Variants in NUBPL observed in about 807,000 individuals in gnomAD.
NUBPL encodes the protein NUBP iron-sulfur cluster assembly factor, mitochondrial, also known as iron-sulfur cluster transfer protein NUBPL.
Under a neutral mutation model 45.7 loss-of-function variants are expected in NUBPL, and 31 were observed. The observed-to-expected ratio is 0.68, with a 90% CI of 0.51 to 0.92. The LOEUF (loss-of-function observed/expected upper bound fraction) is 0.92. Among genes scored for constraint, NUBPL ranks in the 40% least tolerant of loss-of-function variants. The probability of loss-of-function intolerance (pLI) is 0.00; values close to 1 mark genes in which losing one functional copy is unlikely to be tolerated. For missense variants in NUBPL, 401 were observed against 398.7 expected (o/e 1.01, Z -0.05); for synonymous variants, 144 against 140.9 (o/e 1.02, Z -0.15).
chr14:31,700,277 G>A (rs772313332), intron 6 of NUBPL, among the ~76,000 whole-genome samples: 122 of 152,200 alleles, frequency 8.0e-4, no homozygotes, highest in Non-Finnish European at 1.6e-3. Flanking sequence ...TCTTTTCTTA[G>A]TGGTTAATTG....
intron 4 of NUBPL, among the ~76,000 whole-genome samples, chr14:31,618,689 T>C (rs2139623736): frequency 6.6e-6 from 1 of 152,304 alleles, no homozygotes; most frequent in South Asian, 2.1e-4. Context: ...AGTGTTTTAC[T>C]TCAAATTATG....
chr14:31,660,481 C>T (rs753621452), intron 4 of NUBPL, among the ~76,000 whole-genome samples: 7 of 152,090 alleles, frequency 4.6e-5, no homozygotes, highest in Non-Finnish European at 1.0e-4. Context: ...GTACTGGATG[C>T]CCTTTCCTTT....
chr14:31,821,539 A>G (rs1449288493), intron 7 of NUBPL, among the ~76,000 whole-genome samples: 2 of 152,236 alleles, frequency 1.3e-5, no homozygotes, highest in Non-Finnish European at 2.9e-5. Context: ...GGCAATAACA[A>G]AGCTGACAAG....
Position 31,849,589 on chromosome 14 carries a change from A to G in NUBPL, c.815-530A>G, listed in dbSNP as rs2040506546. Among the ~76,000 whole-genome samples the G allele has an allele frequency of 1.3e-5, 2 of 152,242 alleles. 1 individual carries two copies. Among genetic ancestry groups the G allele is most frequent in the South Asian group, 4.1e-4 (2 of 4,834 alleles). ...GTGCTACATAGGTTAGTAAATAATA[A>G]GAGAAAAATAATTCTGTCTGATAAA... On this transcript the variant is annotated intron_variant, in intron 9 of 10. Transcript: ENST00000281081.
At chr14:31,758,886 C>G (rs1566546053) in intron 6 of NUBPL, among the ~76,000 whole-genome samples, 2 of 152,078 alleles carry the variant, frequency 1.3e-5, no homozygotes, top group Non-Finnish European at 1.5e-5. Flanking sequence ...TGCAAAAACT[C>G]GTGGGTTCCC....
At chr14:31,846,310 G>A (rs1431074571) in intron 8 of NUBPL, 161 bp from the exon 9 acceptor site, 1 of 655,568 alleles carries the variant, frequency 1.5e-6, no homozygotes, top group Admixed American at 2.3e-5. Context: ...TCTCTTACTA[G>A]CTCATGAGTT....
chr14:31,711,120 G>A (rs1332097282), intron 6 of NUBPL, among the ~76,000 whole-genome samples: 1 of 152,182 alleles, frequency 6.6e-6, no homozygotes, highest in Admixed American at 6.5e-5. Flanking sequence ...TCGCTTGGGC[G>A]ACATGCCTTT....
intron 6 of NUBPL, among the ~76,000 whole-genome samples, chr14:31,770,220 C>G (rs896730194): frequency 6.6e-6 from 1 of 152,180 alleles, no homozygotes; most frequent in Admixed American, 6.5e-5. Context: ...ACACGTAGAG[C>G]TGGCTAAATG....
intron 4 of NUBPL, among the ~76,000 whole-genome samples, chr14:31,667,025 G>C (rs4981877): frequency 0.3 from 46,196 of 151,816 alleles, 7,672 homozygotes; most frequent in East Asian, 0.4. Flanking sequence ...TGATGATTAT[G>C]TGTCTTGGGG....
chr14:31,673,367 G>C lies in NUBPL; in HGVS notation c.395G>C (p.Arg132Thr), dbSNP rs1244514500. 7 of 1,605,202 alleles carry C rather than the reference G, an allele frequency of 4.4e-6. No individual in the cohort carries two copies. Among genetic ancestry groups the C allele is most frequent in the Non-Finnish European group, 6.0e-6 (7 of 1,175,762 alleles). ...TTTTTTTTTCCAGGCAACCTAATGAGGCCTCTCTTGAATTATGGTATTGCT... is the reference window on the plus strand; with the variant it reads ...TTTTTTTTTCCAGGCAACCTAATGACGCCTCTCTTGAATTATGGTATTGCT... ...NPELSQSNLM[R>T]PLLNYGIACM... Residue 132 changes from arginine to threonine, a missense_variant, in exon 5 of 11, where the codon AGG becomes ACG. Coordinates refer to ENST00000281081, the MANE Select transcript of NUBPL (RefSeq NM_025152.3).
chr14:31,760,304 C>T lies in NUBPL; in HGVS notation c.514-27476C>T, dbSNP rs535290283. Among the ~76,000 whole-genome samples the T allele has an allele frequency of 3.7e-3, 561 of 151,880 alleles. 4 individuals are homozygous for T. The highest frequency in any genetic ancestry group is 0.012 in the South Asian group (60 of 4,802). On this transcript the variant is annotated intron_variant, in intron 6 of 10. Transcript: ENST00000281081. ...GAGTAGCTGGGGCTACAGGTGTGTACCACCACACCTGGATAATTTTTGTAT... is the reference window on the plus strand; with the variant it reads ...GAGTAGCTGGGGCTACAGGTGTGTATCACCACACCTGGATAATTTTTGTAT...
intron 4 of NUBPL, among the ~76,000 whole-genome samples, chr14:31,633,229 C>G (rs2035391346): frequency 6.6e-6 from 1 of 152,216 alleles, no homozygotes; most frequent in Non-Finnish European, 1.5e-5. Flanking sequence ...GCAGTATCTT[C>G]AAACCACCTT....
At chr14:31,687,648 G>A (rs1472072422) in intron 6 of NUBPL, among the ~76,000 whole-genome samples, 1 of 152,190 alleles carries the variant, frequency 6.6e-6, no homozygotes, top group Non-Finnish European at 1.5e-5. Flanking sequence ...CTCTGCGTGA[G>A]CAGTTCATTT....
intron 6 of NUBPL, among the ~76,000 whole-genome samples, chr14:31,782,090 AT>A (rs1179686680): frequency 1.5e-4 from 23 of 152,104 alleles, no homozygotes; most frequent in African/African-American, 5.3e-4. Flanking sequence ...GTTTCTTATA[AT>A]TTTTTCTTAT....
At chr14:31,801,384 A>G (rs1364952788) in intron 7 of NUBPL, among the ~76,000 whole-genome samples, 2 of 152,164 alleles carry the variant, frequency 1.3e-5, no homozygotes, top group African/African-American at 4.8e-5. Context: ...AAGTGGAATA[A>G]CTAACACAAC....
chr14:31,762,503 C>T (rs1408845714), intron 6 of NUBPL, among the ~76,000 whole-genome samples: 2 of 152,124 alleles, frequency 1.3e-5, no homozygotes, highest in African/African-American at 4.8e-5. Flanking sequence ...GCCTTCAAAC[C>T]ACCCAGTAAG....
chr14:31,658,884 G>A (rs1351414296), intron 4 of NUBPL, among the ~76,000 whole-genome samples: 1 of 152,140 alleles, frequency 6.6e-6, no homozygotes, highest in Admixed American at 6.5e-5. Flanking sequence ...ATGTTTATGA[G>A]CACTTACTTT....
intron 6 of NUBPL, among the ~76,000 whole-genome samples, chr14:31,782,327 G>A (rs978320052): frequency 2.0e-5 from 3 of 152,044 alleles, no homozygotes; most frequent in Non-Finnish European, 4.4e-5. Context: ...CCTGGGAGGC[G>A]GAGGTTGCAG....
intron 6 of NUBPL, among the ~76,000 whole-genome samples, chr14:31,710,592 G>A (rs566676154): frequency 3.9e-5 from 6 of 152,244 alleles, no homozygotes; most frequent in South Asian, 4.1e-4. Context: ...ACGCATTCTC[G>A]AAAACCTGTT....
Sources: allele counts gnomAD v4.1 joint callset (sites outside exome capture counted in the v4.1 genomes callset), GRCh38; gene constraint gnomAD v4.1.1; transcripts MANE v1.5; gene names NCBI Gene and HGNC (gene_info 2026-07-23, HGNC 2026-07-21).